JAML: variants seen among roughly 807,000 people sequenced by gnomAD.
JAML encodes the protein junction adhesion molecule like, also known as junctional adhesion molecule-like.
JAML carries 25 observed loss-of-function variants against 39.3 expected under a neutral mutation model. The observed-to-expected ratio is 0.64, with a 90% CI of 0.46 to 0.89. JAML has a LOEUF of 0.89. Among genes scored for constraint, JAML ranks in the 40% least tolerant of loss-of-function variants. The pLI is 0.00. For synonymous variants in JAML, 162 were observed against 179.2 expected (o/e 0.90, Z 0.77); for missense variants, 440 against 486.9 (o/e 0.90, Z 0.91).
chr11:118,214,332 C>T (rs1264177085), intron 2 of JAML, among the ~76,000 whole-genome samples: 1 of 152,144 alleles, frequency 6.6e-6, no homozygotes, highest in African/African-American at 2.4e-5. Flanking sequence ...AAGCATCGGG[C>T]GGGCTTGCTA....
intron 2 of JAML, chr11:118,213,436 A>C: frequency 5.0e-6 from 3 of 606,018 alleles, no homozygotes; most frequent in Non-Finnish European, 6.2e-6. Flanking sequence ...TCCTGCCCCA[A>C]CAGTAGGCTC....
intron 9 of JAML, among the ~76,000 whole-genome samples, chr11:118,196,342 G>A (rs1363580461): frequency 6.6e-6 from 1 of 151,976 alleles, no homozygotes; most frequent in African/African-American, 2.4e-5. Context: ...TGGCCAGGCT[G>A]GTCTTGAACT....
At chr11:118,214,748 G>T in intron 2 of JAML, 76 bp downstream of exon 2, 1 of 1,453,614 alleles carries the variant, frequency 6.9e-7, no homozygotes, top group Non-Finnish European at 9.6e-7. Flanking sequence ...TCGAAAATAT[G>T]TAAAATTGGC....
Position 118,210,730 on chromosome 11 carries a change from G to GT in JAML, c.199-19dup, listed in dbSNP as rs1398607288. On this transcript the variant is annotated intron_variant, in intron 3 of 9. Coordinates refer to ENST00000356289, the MANE Select transcript of JAML (RefSeq NM_001098526.2). ...TATTCGTCCTGAAGGGCAAAACAGT[G>GT]TTGGAGACAATCAAAAGAGGTGCCA... 6.2e-7 allele frequency: 1 copy of GT among 1,603,758 alleles called. No individual in the cohort carries two copies. The highest frequency in any genetic ancestry group is 8.5e-7 in the Non-Finnish European group (1 of 1,170,624).
chr11:118,202,787 T>C, intron 6 of JAML: 2 of 377,336 alleles, frequency 5.3e-6, no homozygotes, highest in Non-Finnish European at 1.1e-5. Flanking sequence ...CTGAAGGCCC[T>C]AGCGACAGGC....
chr11:118,209,346 A>G (rs1356305770), intron 4 of JAML: 1 of 158,634 alleles, frequency 6.3e-6, no homozygotes, highest in East Asian at 1.9e-4. Context: ...AAGGAAAAGG[A>G]CTTTGGTTGC....
rs563807343 is a variant in JAML at position 118,207,748 on chromosome 11, G to GA, written c.425-1758dup. ...GGATCTATTCCCATTCTAGCTGGAA[G>GA]AAAAAAAAAATACAGCTTGCTCCAC... On this transcript the variant is annotated intron_variant, in intron 4 of 9. Coordinates refer to ENST00000356289, the MANE Select transcript of JAML (RefSeq NM_001098526.2). Among the ~76,000 whole-genome samples the GA allele has an allele frequency of 9.4e-3, 1,401 of 148,794 alleles. 9 individuals carry two copies. The highest frequency in any genetic ancestry group is 0.021 in the South Asian group (101 of 4,716).
At chr11:118,197,221 C>A (rs1948676187) in intron 8 of JAML, 1 of 188,798 alleles carries the variant, frequency 5.3e-6, no homozygotes, top group African/African-American at 2.4e-5. Flanking sequence ...GGCCAGCCCT[C>A]ATTGAACCTC....
chr11:118,215,803 A>C (rs1009704575), intron 1 of JAML, among the ~76,000 whole-genome samples: 3 of 152,184 alleles, frequency 2.0e-5, no homozygotes, highest in Non-Finnish European at 4.4e-5. Context: ...AGCCCCTGGA[A>C]AAGGATTCAC....
At chr11:118,201,867 T>TA (rs1314566189) in intron 6 of JAML, 1 of 152,178 alleles carries the variant, frequency 6.6e-6, no homozygotes, top group Non-Finnish European at 1.5e-5. Flanking sequence ...GGCATCTAGT[T>TA]AGACAACTGA....
At chr11:118,203,870 T>C (rs1486716168) in intron 5 of JAML, 6 of 548,370 alleles carry the variant, frequency 1.1e-5, no homozygotes, top group East Asian at 8.8e-5. Context: ...CACAAAACCA[T>C]GAACAGTTTT....
rs181605980 is a variant in JAML at position 118,209,306 on chromosome 11, A to G, written c.424+1181T>C. 309 of 162,490 alleles carry G rather than the reference A, an allele frequency of 1.9e-3. 2 individuals carry two copies. The highest frequency in any genetic ancestry group is 7.2e-3 in the African/African-American group (303 of 41,846). 10.1% of individuals were successfully genotyped at this position (162,490 alleles called of 1,614,324 possible). On this transcript the variant is annotated intron_variant, in intron 4 of 9. Transcript: ENST00000356289. ...AGAATCCTTATTCAGACCAAATCTT[A>G]CCTGGCAGCCCAATGAATACAACAG...
intron 4 of JAML, among the ~76,000 whole-genome samples, chr11:118,207,254 T>G (rs1353665070): frequency 6.6e-6 from 1 of 152,246 alleles, no homozygotes; most frequent in African/African-American, 2.4e-5. Flanking sequence ...GTCCTTTCAA[T>G]GCACCACCAT....
intron 2 of JAML, chr11:118,213,077 A>G (rs976819272): frequency 6.5e-6 from 10 of 1,534,138 alleles, no homozygotes; most frequent in Non-Finnish European, 8.7e-6. Context: ...TAATTAGGCC[A>G]CCACAGAGCA....
chr11:118,210,605 C>T lies in JAML; in HGVS notation c.306G>A (p.Leu102=). 1.2e-5 allele frequency: 20 copies of T among 1,614,206 alleles called. No homozygotes were observed. The highest frequency in any genetic ancestry group is 1.6e-5 in the Non-Finnish European group (19 of 1,180,030). ...GGTCAGCCTCTTGCACATCTTGGAG[C>T]AGGAGAGAGCCATCATTGCATAAGA... ...GDILCNDGSL[L]LQDVQEADQG... The change falls in exon 4 of 10, where the codon CTG becomes CTA. Residue 102 remains leucine (L), a synonymous_variant. Coordinates refer to ENST00000356289, the MANE Select transcript of JAML (RefSeq NM_001098526.2).
intron 7 of JAML, 121 bp from the exon 8 acceptor site, chr11:118,198,212 T>A: frequency 1.2e-6 from 1 of 803,310 alleles, no homozygotes; most frequent in Non-Finnish European, 2.1e-6. Flanking sequence ...CTATTCTCTC[T>A]GGACTCCTAC....
chr11:118,194,519 G>A, intron 9 of JAML, 102 bp from the exon 10 acceptor site: 2 of 895,056 alleles, frequency 2.2e-6, no homozygotes, highest in Non-Finnish European at 3.6e-6. Context: ...GCCCGGCCCA[G>A]TACTGAATTT....
chr11:118,194,524 G>T, intron 9 of JAML, 107 bp from the exon 10 acceptor site: 1 of 829,868 alleles, frequency 1.2e-6, no homozygotes, highest in South Asian at 1.4e-5. Context: ...GCCCAGTACT[G>T]AATTTCATAT....
intron 1 of JAML, among the ~76,000 whole-genome samples, chr11:118,218,779 T>C (rs555703211): frequency 1.3e-5 from 2 of 151,958 alleles, no homozygotes; most frequent in African/African-American, 2.4e-5. Context: ...TGGTTGCATA[T>C]GTAGATGAAT....
Sources: gnomAD v4.1 joint callset for allele counts (sites outside exome capture counted in the v4.1 genomes callset) on GRCh38, gnomAD v4.1.1 for gene constraint, MANE v1.5 for transcripts, NCBI Gene and HGNC (gene_info 2026-07-23, HGNC 2026-07-21) for gene names.